The following OST4 variants were observed in gnomAD, a reference collection of about 807,000 sequenced individuals.
OST4 encodes the protein dolichyl-diphosphooligosaccharide--protein glycosyltransferase subunit 4.
OST4 carries 3 observed loss-of-function variants against 2.1 expected under a neutral mutation model. The observed-to-expected ratio is 1.42, with a 90% CI of 0.65 to 3.67. The LOEUF (loss-of-function observed/expected upper bound fraction) is 3.67. Ranked by LOEUF, OST4 falls within the 30% of genes most tolerant of loss-of-function variation. The pLI is 0.03. For missense variants in OST4, 52 were observed against 47.1 expected (o/e 1.10, Z -0.30); for synonymous variants, 23 against 21.6 (o/e 1.06, Z -0.18).
rs1356276875 is a variant in OST4, at chr2:27,071,358, C to T, written c.105G>A (p.Lys35=). 8.4e-6 allele frequency: 13 copies of T among 1,551,352 alleles called. No homozygotes were observed. The highest frequency in any genetic ancestry group is 1.7e-4 in the Middle Eastern group (1 of 6,014). ...YHYVAVNNPK[K]QE is the part of the protein sequence containing the mutation. ...GGAGAAAGCGCCACTTTCATTCCTG[C>T]TTCTTGGGATTGTTGACGGCCACGT... Residue 35 remains lysine, a synonymous_variant, in exon 2 of 3, where the codon AAG becomes AAA. Coordinates refer to ENST00000456793, the MANE Select transcript of OST4 (RefSeq NM_001134693.2).
In OST4 at chr2:27,071,645, G is replaced by C. The variant is rs997701104; in HGVS notation, c.-46C>G. The C allele has an allele frequency of 1.9e-6, 1 of 513,062 alleles. No homozygotes were observed. The highest frequency in any genetic ancestry group is 3.4e-6 in the Non-Finnish European group (1 of 291,550). The allele number at this position is 513,062 out of a possible 1,614,324, so 31.8% of individuals were successfully genotyped here. A position where few individuals can be genotyped will look rare whatever the true frequency, so the allele number is the denominator to read the frequency against. On this transcript the variant is annotated 5_prime_UTR_variant, in exon 1 of 3. Transcript: ENST00000456793. ...TCCGACGCCACCAGCGAACAAGCCC[G>C]AAGTCAGAGACCTGGACCGGAACTT...
In OST4 at chr2:27,070,510, G is replaced by T. The variant is rs928957075; in HGVS notation, c.*235C>A. On this transcript the variant is annotated 3_prime_UTR_variant, in exon 3 of 3. Coordinates refer to ENST00000456793, the MANE Select transcript of OST4 (RefSeq NM_001134693.2). The stretch of plus-strand genomic sequence containing the variant: ...AAAAAAAGTCTATATTTTTATATTG[G>T]GGGGAGGGAGTAGAAAAGCAAGCCC... The T allele has an allele frequency of 4.1e-6, 2 of 483,876 alleles. No individual in the cohort carries two copies. Among genetic ancestry groups the T allele is most frequent in the Admixed American group, 3.4e-5 (1 of 29,792 alleles). 30.0% of individuals were successfully genotyped at this position (483,876 alleles called of 1,614,324 possible).
intron 2 of OST4, 60 bp downstream of exon 2, chr2:27,071,266 C>A: frequency 1.9e-6 from 2 of 1,069,490 alleles, no homozygotes; most frequent in Non-Finnish European, 2.8e-6. Context: ...ACCCTGCTAG[C>A]CCTGGCGCGG....
chr2:27,071,560 G>C, intron 1 of OST4, 41 bp downstream of exon 1: 2 of 921,538 alleles, frequency 2.2e-6, no homozygotes, highest in South Asian at 3.1e-5. Context: ...CCACGGCCAC[G>C]GCGGGGCTGG....
rs759624478 is a variant in OST4, at chr2:27,071,393, G to C, written c.70C>G (p.Leu24Val). 8.1e-5 allele frequency: 125 copies of C among 1,551,586 alleles called. No individual in the cohort carries two copies. Among genetic ancestry groups the C allele is most frequent in the Non-Finnish European group, 1.0e-4 (118 of 1,146,978 alleles). ...LGVSLFLLVVLYHYVAVNNPK... is the reference protein window; with the variant it reads ...LGVSLFLLVVVYHYVAVNNPK... ...TTGTTGACGGCCACGTAGTGATAGAGAACGACAAGCAAGAAGAGCGACACG... is the reference window on the plus strand; with the variant it reads ...TTGTTGACGGCCACGTAGTGATAGACAACGACAAGCAAGAAGAGCGACACG... Residue 24 changes from leucine to valine, a missense_variant, in exon 2 of 3, where the codon CTC (leucine) becomes GTC (valine). Physicochemically the swap from Leu to Val is conservative, Grantham distance 32 (BLOSUM62 1). Coordinates refer to ENST00000456793, the MANE Select transcript of OST4 (RefSeq NM_001134693.2).
chr2:27,071,432 C>T lies in OST4; in HGVS notation c.31G>A (p.Ala11Thr). The change falls in exon 2 of 3, where the codon GCC (alanine) becomes ACC (threonine). Residue 11 changes from alanine to threonine, a missense_variant. Ala to Thr is a moderately conservative substitution (Grantham distance 58). Coordinates refer to ENST00000456793, the MANE Select transcript of OST4 (RefSeq NM_001134693.2). The part of the protein sequence containing the change: MITDVQLAIF[A>T]NMLGVSLFLL... The stretch of plus-strand genomic sequence containing the variant: ...AAGAGCGACACGCCCAGCATGTTGG[C>T]GAAGATGGCGAGCTGCACGTCCGTG... The T allele has an allele frequency of 6.4e-7, 1 of 1,551,622 alleles. No individual in the cohort carries two copies. Among genetic ancestry groups the T allele is most frequent in the Non-Finnish European group, 8.7e-7 (1 of 1,146,942 alleles).
Position 27,071,311 on chromosome 2 carries a change from G to GC in OST4, c.*23+14dup. The GC allele has an allele frequency of 6.6e-7, 1 of 1,509,466 alleles. No individual in the cohort carries two copies. Among genetic ancestry groups the GC allele is most frequent in the East Asian group, 2.5e-5 (1 of 40,702 alleles). The allele number at this position is 1,509,466 out of a possible 1,614,324, so 93.5% of individuals were successfully genotyped here. A position where few individuals can be genotyped will look rare whatever the true frequency, so the allele number is the denominator to read the frequency against. ...TCAGCTCTGGGGACTGGGCGCTACA[G>GC]CCCCGGGCCGTTACCTGGGGCGGAG... On this transcript the variant is annotated intron_variant, in intron 2 of 2. Coordinates refer to ENST00000456793, the MANE Select transcript of OST4 (RefSeq NM_001134693.2).
In OST4 at chr2:27,071,611, C is replaced by T. The variant is rs769511742; in HGVS notation, c.-12G>A. ...CTGCGTGCCTCTGACCTGACCAGTC[C>T]GGCTCGGCTCCGACGCCACCAGCGA... On this transcript the variant is annotated 5_prime_UTR_variant, in exon 1 of 3. Coordinates refer to ENST00000456793, the MANE Select transcript of OST4 (RefSeq NM_001134693.2). 5.4e-6 allele frequency: 3 copies of T among 560,124 alleles called. No homozygotes were observed. Among genetic ancestry groups the T allele is most frequent in the South Asian group, 2.3e-5 (1 of 43,776 alleles). 34.7% of individuals were successfully genotyped at this position (560,124 alleles called of 1,614,324 possible).
At position 27,071,282 on chromosome 2, in the gene OST4, C is replaced by A. The variant is rs1170137053; in HGVS notation, c.*23+44G>T. On this transcript the variant is annotated intron_variant, in intron 2 of 2. Transcript: ENST00000456793. Reference sequence around the variant, plus strand: ...CCCTGCTAGCCCTGGCGCGGCCTCGCCACTCAGCTCTGGGGACTGGGCGCT... The same window carrying A: ...CCCTGCTAGCCCTGGCGCGGCCTCGACACTCAGCTCTGGGGACTGGGCGCT... The A allele has an allele frequency of 2.3e-6, 3 of 1,313,034 alleles. No homozygotes were observed. In the Admixed American group the frequency reaches 6.0e-5, roughly 26 times the overall value. 81.3% of individuals were successfully genotyped at this position (1,313,034 alleles called of 1,614,324 possible).
rs1572841442 is a variant in OST4, at chr2:27,071,593, C to T, written c.-2+8G>A. On this transcript the variant is annotated splice_region_variant and intron_variant, in intron 1 of 2. Coordinates refer to ENST00000456793, the MANE Select transcript of OST4 (RefSeq NM_001134693.2). ...TGGCCCGTGGGACGGCCCCTGCGTG[C>T]CTCTGACCTGACCAGTCCGGCTCGG... is the stretch of plus-strand genomic sequence containing the variant. The T allele has an allele frequency of 1.6e-6, 1 of 640,874 alleles. No individual in the cohort carries two copies. The highest frequency in any genetic ancestry group is 2.8e-5 in the East Asian group (1 of 35,724). 39.7% of individuals were successfully genotyped at this position (640,874 alleles called of 1,614,324 possible). A position where few individuals can be genotyped will look rare whatever the true frequency, so the allele number is the denominator to read the frequency against.
chr2:27,070,659 G>A lies in OST4; in HGVS notation c.*86C>T, dbSNP rs1042490260. On this transcript the variant is annotated 3_prime_UTR_variant, in exon 3 of 3. Coordinates refer to ENST00000456793, the MANE Select transcript of OST4 (RefSeq NM_001134693.2). ...TTTGTATGTTGTGATGGGTAGAAGGGATGAAGTGAAGTGTGAAGGCCCCTC... is the reference window on the plus strand; with the variant it reads ...TTTGTATGTTGTGATGGGTAGAAGGAATGAAGTGAAGTGTGAAGGCCCCTC... 1 of 171,884 alleles carries A rather than the reference G, an allele frequency of 5.8e-6. No homozygotes were observed. The highest frequency in any genetic ancestry group is 2.4e-5 in the African/African-American group (1 of 42,000). 10.6% of individuals were successfully genotyped at this position (171,884 alleles called of 1,614,324 possible). A position where few individuals can be genotyped will look rare whatever the true frequency, so the allele number is the denominator to read the frequency against.
Position 27,070,508 on chromosome 2 carries a change from T to C in OST4, c.*237A>G. The C allele has an allele frequency of 2.0e-6, 1 of 490,440 alleles. No individual in the cohort carries two copies. Among genetic ancestry groups the C allele is most frequent in the Non-Finnish European group, 3.7e-6 (1 of 273,620 alleles). The allele number at this position is 490,440 out of a possible 1,614,324, so 30.4% of individuals were successfully genotyped here. A position where few individuals can be genotyped will look rare whatever the true frequency, so the allele number is the denominator to read the frequency against. On this transcript the variant is annotated 3_prime_UTR_variant, in exon 3 of 3. Coordinates refer to ENST00000456793, the MANE Select transcript of OST4 (RefSeq NM_001134693.2). ...CAAAAAAAAGTCTATATTTTTATATTGGGGGGAGGGAGTAGAAAAGCAAGC... is the reference window on the plus strand; with the variant it reads ...CAAAAAAAAGTCTATATTTTTATATCGGGGGGAGGGAGTAGAAAAGCAAGC...
intron 2 of OST4, 23 bp downstream of exon 2, chr2:27,071,303 G>T: frequency 1.4e-6 from 2 of 1,471,084 alleles, no homozygotes; most frequent in Non-Finnish European, 9.3e-7. Context: ...TGGGGACTGG[G>T]CGCTACAGCC....
chr2:27,071,386 TGATA>T lies in OST4; in HGVS notation c.73_76del (p.Tyr25ThrfsTer27). 1.3e-6 allele frequency: 2 copies of T among 1,551,524 alleles called. No homozygotes were observed. The highest frequency in any genetic ancestry group is 1.7e-4 in the Middle Eastern group (1 of 5,992). On this transcript the variant is annotated frameshift_variant, in exon 2 of 3. Coordinates refer to ENST00000456793, the MANE Select transcript of OST4 (RefSeq NM_001134693.2). LOFTEE classifies it high-confidence loss of function. ...CTTGGGATTGTTGACGGCCACGTAG[TGATA>T]GAGAACGACAAGCAAGAAGAGCGAC...
At chr2:27,071,100 T>G (rs1467884081) in intron 2 of OST4, among the ~76,000 whole-genome samples, 1 of 152,180 alleles carries the variant, frequency 6.6e-6, no homozygotes, top group Non-Finnish European at 1.5e-5. Flanking sequence ...ATCTACCTAC[T>G]GGAGACTGTG....
intron 1 of OST4, 22 bp downstream of exon 1, chr2:27,071,579 A>C: frequency 2.8e-6 from 2 of 710,736 alleles, no homozygotes; most frequent in Non-Finnish European, 4.6e-6. Context: ...GGCCCGTGGG[A>C]CGGCCCCTGC....
chr2:27,070,511 G>C lies in OST4; in HGVS notation c.*234C>G. On this transcript the variant is annotated 3_prime_UTR_variant, in exon 3 of 3. Transcript: ENST00000456793. Reference sequence around the variant, plus strand: ...AAAAAAGTCTATATTTTTATATTGGGGGGAGGGAGTAGAAAAGCAAGCCCC... The same window carrying C: ...AAAAAAGTCTATATTTTTATATTGGCGGGAGGGAGTAGAAAAGCAAGCCCC... 1 of 483,484 alleles carries C rather than the reference G, an allele frequency of 2.1e-6. No homozygotes were observed. The highest frequency in any genetic ancestry group is 3.4e-5 in the Admixed American group (1 of 29,830). 29.9% of individuals were successfully genotyped at this position (483,484 alleles called of 1,614,324 possible).
chr2:27,071,331 G>A lies in OST4; in HGVS notation c.*18C>T. On this transcript the variant is annotated 3_prime_UTR_variant, in exon 2 of 3. Coordinates refer to ENST00000456793, the MANE Select transcript of OST4 (RefSeq NM_001134693.2). ...CTACAGCCCCGGGCCGTTACCTGGG[G>A]CGGAGAAAGCGCCACTTTCATTCCT... 1.9e-6 allele frequency: 3 copies of A among 1,544,782 alleles called. No homozygotes were observed. Among genetic ancestry groups the A allele is most frequent in the Non-Finnish European group, 2.6e-6 (3 of 1,140,822 alleles).
Position 27,071,611 on chromosome 2 carries a change from CG to C in OST4, c.-13del. The C allele has an allele frequency of 1.8e-6, 1 of 560,124 alleles. No homozygotes were observed. The highest frequency in any genetic ancestry group is 2.3e-5 in the South Asian group (1 of 43,776). 34.7% of individuals were successfully genotyped at this position (560,124 alleles called of 1,614,324 possible). The stretch of plus-strand genomic sequence containing the variant: ...CTGCGTGCCTCTGACCTGACCAGTC[CG>C]GCTCGGCTCCGACGCCACCAGCGAA... On this transcript the variant is annotated 5_prime_UTR_variant, in exon 1 of 3. Coordinates refer to ENST00000456793, the MANE Select transcript of OST4 (RefSeq NM_001134693.2).
Sources: allele counts gnomAD v4.1 joint callset (sites outside exome capture counted in the v4.1 genomes callset), GRCh38; gene constraint gnomAD v4.1.1; transcripts MANE v1.5; gene names NCBI Gene and HGNC (gene_info 2026-07-23, HGNC 2026-07-21).